The following STX8 variants were observed in gnomAD, a reference collection of about 807,000 sequenced individuals.
STX8 encodes syntaxin-8.
STX8 carries 23 observed loss-of-function variants against 37.5 expected under a neutral mutation model. The ratio of observed to expected loss-of-function variants is 0.61; its 90% CI spans 0.44 to 0.87. The LOEUF (loss-of-function observed/expected upper bound fraction) is 0.87, where lower values mean the gene tolerates loss of function less well. STX8 is among the 40% of genes least tolerant of loss of function. The pLI, the probability that STX8 is intolerant of heterozygous loss-of-function variation, is 0.00. For missense variants in STX8, 313 were observed against 284.7 expected (o/e 1.10, Z -0.71); for synonymous variants, 115 against 99.1 (o/e 1.16, Z -0.95).
intron 7 of STX8, among the ~76,000 whole-genome samples, chr17:9,314,119 A>AT (rs566471186): frequency 2.4e-3 from 368 of 152,240 alleles, no homozygotes; most frequent in African/African-American, 7.4e-3. Context: ...TGACTTCTGT[A>AT]TTTTTTTCCC....
intron 7 of STX8, among the ~76,000 whole-genome samples, chr17:9,357,560 G>A (rs1910928060): frequency 6.6e-6 from 1 of 151,978 alleles, no homozygotes; most frequent in African/African-American, 2.4e-5. Context: ...GCTGAGTATG[G>A]TGGTGTGCAC....
intron 3 of STX8, among the ~76,000 whole-genome samples, chr17:9,547,642 A>AAAAAAAAAG (rs10694244): frequency 4.3e-5 from 5 of 115,848 alleles, no homozygotes; most frequent in Admixed American, 1.1e-4. Flanking sequence ...AAAAAAAAGA[A>AAAAAAAAAG]AAAAGAAAAG....
intron 7 of STX8, chr17:9,305,736 A>ATATT (rs1908960721): frequency 8.7e-6 from 1 of 114,856 alleles, no homozygotes; most frequent in African/African-American, 4.8e-5. Flanking sequence ...ATACAGGTGC[A>ATATT]TCTTTTTTTT....
At chr17:9,369,334 T>C (rs1406646618) in intron 7 of STX8, among the ~76,000 whole-genome samples, 3 of 152,174 alleles carry the variant, frequency 2.0e-5, no homozygotes, top group Non-Finnish European at 4.4e-5. Context: ...GAGATTTAAC[T>C]AGCTTACCTC....
intron 4 of STX8, among the ~76,000 whole-genome samples, chr17:9,508,767 A>T (rs1904931386): frequency 1.3e-5 from 2 of 152,280 alleles, no homozygotes; most frequent in Admixed American, 6.5e-5. Flanking sequence ...TAGGTGTTCC[A>T]GAAAGAGAAA....
At chr17:9,384,841 C>G (rs935925028) in intron 6 of STX8, among the ~76,000 whole-genome samples, 7 of 147,202 alleles carry the variant, frequency 4.8e-5, no homozygotes, top group Non-Finnish European at 1.0e-4. Flanking sequence ...CGCACGTGCT[C>G]AATTCTCAAC....
chr17:9,325,098 T>C (rs1909711592), intron 7 of STX8, among the ~76,000 whole-genome samples: 1 of 152,156 alleles, frequency 6.6e-6, no homozygotes. Context: ...TGCCAGATGA[T>C]CTTGCACAAC....
chr17:9,477,765 CT>C (rs1449341612), intron 6 of STX8, among the ~76,000 whole-genome samples: 1 of 152,118 alleles, frequency 6.6e-6, no homozygotes, highest in African/African-American at 2.4e-5. Flanking sequence ...TTGCTTTAGA[CT>C]TTGTTAGAAA....
chr17:9,355,714 T>C (rs12947942), intron 7 of STX8, among the ~76,000 whole-genome samples: 15,293 of 152,106 alleles, frequency 0.1, 846 homozygotes, highest in Middle Eastern at 0.18. Context: ...TTCACCATGT[T>C]GGTCAGGCTG....
At chr17:9,502,955 A>T (rs951840899) in intron 5 of STX8, among the ~76,000 whole-genome samples, 1 of 151,886 alleles carries the variant, frequency 6.6e-6, no homozygotes. Context: ...ATACAAAAAA[A>T]ATTAGCTGGG....
At chr17:9,425,250 T>TA (rs1913583307) in intron 6 of STX8, among the ~76,000 whole-genome samples, 1 of 152,178 alleles carries the variant, frequency 6.6e-6, no homozygotes, top group Non-Finnish European at 1.5e-5. Flanking sequence ...GCCTTCTAGG[T>TA]AGTCATCGTT....
At chr17:9,542,444 G>A (rs1297695629) in intron 4 of STX8, among the ~76,000 whole-genome samples, 1 of 152,054 alleles carries the variant, frequency 6.6e-6, no homozygotes, top group African/African-American at 2.4e-5. Context: ...TTGGGAGGCC[G>A]AGGCAGGCAG....
intron 7 of STX8, among the ~76,000 whole-genome samples, chr17:9,287,909 C>T (rs1389702114): frequency 6.6e-6 from 1 of 151,838 alleles, no homozygotes; most frequent in Non-Finnish European, 1.5e-5. Context: ...CACCACCACG[C>T]CCAGCTAATT....
chr17:9,506,606 T>C (rs2142502769), intron 4 of STX8, among the ~76,000 whole-genome samples: 1 of 152,148 alleles, frequency 6.6e-6, no homozygotes, highest in South Asian at 2.1e-4. Context: ...TGAGGAGGCC[T>C]GGACATATGA....
chr17:9,535,355 C>T (rs1316472060), intron 4 of STX8, among the ~76,000 whole-genome samples: 3 of 151,384 alleles, frequency 2.0e-5, no homozygotes, highest in South Asian at 2.1e-4. Flanking sequence ...GGTTCTACCC[C>T]GCTAGAAAAT....
At chr17:9,484,259 G>A (rs761334361) in intron 6 of STX8, among the ~76,000 whole-genome samples, 23 of 151,966 alleles carry the variant, frequency 1.5e-4, no homozygotes, top group Admixed American at 2.6e-4. Flanking sequence ...CAGTGCGGTG[G>A]AGAATACAGA....
intron 4 of STX8, among the ~76,000 whole-genome samples, chr17:9,528,674 T>C (rs1351405478): frequency 1.3e-5 from 2 of 152,048 alleles, no homozygotes; most frequent in Non-Finnish European, 2.9e-5. Flanking sequence ...TACAGGGTCA[T>C]TTCCCCATGA....
chr17:9,486,124 T>A (rs1906585996), intron 6 of STX8, among the ~76,000 whole-genome samples: 1 of 152,182 alleles, frequency 6.6e-6, no homozygotes, highest in African/African-American at 2.4e-5. Flanking sequence ...AGAATCGTGA[T>A]AATGAACGGC....
chr17:9,488,817 A>AGTGTGTGT (rs773052268), intron 6 of STX8, among the ~76,000 whole-genome samples: 27 of 88,138 alleles, frequency 3.1e-4, no homozygotes, highest in South Asian at 1.4e-3. Context: ...AGAGAGAGAG[A>AGTGTGTGT]GAGAGTGTGT....
Sources: gnomAD v4.1 joint callset for allele counts (sites outside exome capture counted in the v4.1 genomes callset) on GRCh38, gnomAD v4.1.1 for gene constraint, MANE v1.5 for transcripts, NCBI Gene and HGNC (gene_info 2026-07-23, HGNC 2026-07-21) for gene names.